Variants in SLC25A13 observed in about 807,000 individuals in gnomAD.
SLC25A13 encodes the protein solute carrier family 25 member 13, also known as electrogenic aspartate/glutamate antiporter SLC25A13, mitochondrial.
SLC25A13 carries 70 observed loss-of-function variants against 85.5 expected under a neutral mutation model. The observed-to-expected ratio is 0.82, with a 90% CI of 0.68 to 1.00. The LOEUF (loss-of-function observed/expected upper bound fraction) is 1.00, where lower values mean the gene tolerates loss of function less well. Ranked by LOEUF, SLC25A13 falls within the 50% of genes least tolerant of loss-of-function variation. The pLI is 0.00. For missense variants in SLC25A13, 765 were observed against 819.8 expected (o/e 0.93, Z 0.82); for synonymous variants, 259 against 288.7 (o/e 0.90, Z 1.04).
chr7:96,314,123 GAGGA>G (rs977383714), intron 1 of SLC25A13, among the ~76,000 whole-genome samples: 1 of 152,006 alleles, frequency 6.6e-6, no homozygotes, highest in African/African-American at 2.4e-5. Context: ...GAGGAAGAAG[GAGGA>G]AGGAAGGAGG....
chr7:96,249,419 C>A (rs188496832), intron 3 of SLC25A13, among the ~76,000 whole-genome samples: 1 of 152,280 alleles, frequency 6.6e-6, no homozygotes, highest in East Asian at 1.9e-4. Flanking sequence ...TTAACACAGG[C>A]CACCTGTGAA....
chr7:96,280,297 G>T (rs1798622086), intron 2 of SLC25A13, among the ~76,000 whole-genome samples: 1 of 152,086 alleles, frequency 6.6e-6, no homozygotes, highest in Admixed American at 6.5e-5. Flanking sequence ...GTTTAAAAAA[G>T]ACATTGAATT....
At chr7:96,232,267 C>G (rs934337182) in intron 4 of SLC25A13, among the ~76,000 whole-genome samples, 1 of 151,536 alleles carries the variant, frequency 6.6e-6, no homozygotes, top group South Asian at 2.1e-4. Flanking sequence ...AAAAAAACAA[C>G]GAGATCATGT....
At chr7:96,241,090 G>GAA (rs1796976313) in intron 3 of SLC25A13, among the ~76,000 whole-genome samples, 2 of 143,268 alleles carry the variant, frequency 1.4e-5, no homozygotes, top group African/African-American at 5.3e-5. Flanking sequence ...AAGAAAGAAA[G>GAA]AAAGAAAGAA....
intron 14 of SLC25A13, among the ~76,000 whole-genome samples, chr7:96,138,445 G>C (rs972171328): frequency 2.7e-5 from 4 of 146,968 alleles, no homozygotes; most frequent in Admixed American, 1.4e-4. Flanking sequence ...ACTTAGGTTA[G>C]AGTGCAGTGG....
chr7:96,263,241 CAGG>C (rs1035851104), intron 3 of SLC25A13, among the ~76,000 whole-genome samples: 1 of 152,098 alleles, frequency 6.6e-6, no homozygotes, highest in African/African-American at 2.4e-5. Context: ...CCCGGACACC[CAGG>C]TTACCCTTTA....
At chr7:96,298,732 C>T (rs530945229) in intron 1 of SLC25A13, among the ~76,000 whole-genome samples, 3 of 152,140 alleles carry the variant, frequency 2.0e-5, no homozygotes, top group Non-Finnish European at 4.4e-5. Flanking sequence ...TGTGCCCAGC[C>T]ATGAATTTTT....
chr7:96,139,431 CAG>C (rs1792430818), intron 14 of SLC25A13, among the ~76,000 whole-genome samples: 1 of 151,776 alleles, frequency 6.6e-6, no homozygotes, highest in Non-Finnish European at 1.5e-5. Context: ...AAGCTTTAAG[CAG>C]AGATTATGGA....
intron 3 of SLC25A13, among the ~76,000 whole-genome samples, chr7:96,246,960 G>C (rs1251961311): frequency 6.6e-6 from 1 of 152,166 alleles, no homozygotes. Flanking sequence ...TTCTTAAATA[G>C]TAGAGTCTAC....
chr7:96,288,141 T>A (rs1323119273), intron 2 of SLC25A13, among the ~76,000 whole-genome samples: 3 of 152,172 alleles, frequency 2.0e-5, no homozygotes, highest in African/African-American at 7.2e-5. Context: ...AACTGTATAC[T>A]GTATTGTGGC....
intron 4 of SLC25A13, among the ~76,000 whole-genome samples, chr7:96,233,588 G>A (rs1200712128): frequency 1.3e-5 from 2 of 152,052 alleles, no homozygotes; most frequent in Non-Finnish European, 2.9e-5. Flanking sequence ...TGGCGAAGGG[G>A]GTTGGCACAA....
rs560539523 is a variant in SLC25A13, at chr7:96,204,946, T to A, written c.468+3892A>T. Among the ~76,000 whole-genome samples the A allele has an allele frequency of 4.4e-4, 67 of 152,338 alleles. 1 individual carries two copies. The highest frequency in any genetic ancestry group is 3.5e-3 in the South Asian group (17 of 4,828). On this transcript the variant is annotated intron_variant, in intron 5 of 17. Transcript: ENST00000265631. Reference sequence around the variant, plus strand: ...TTTTTTGAGACAGGGTCTTGCTCTGTTGCTCAGGCTGGAATGCAGTGGCCT... The same window carrying A: ...TTTTTTGAGACAGGGTCTTGCTCTGATGCTCAGGCTGGAATGCAGTGGCCT...
At chr7:96,293,452 C>T (rs1473940116) in intron 2 of SLC25A13, among the ~76,000 whole-genome samples, 5 of 151,994 alleles carry the variant, frequency 3.3e-5, no homozygotes, top group East Asian at 1.9e-4. Context: ...ACTAAAGAGC[C>T]TCTGCACAGC....
In SLC25A13 at chr7:96,121,310, C is replaced by A. The variant is rs151330313; in HGVS notation, c.1909G>T (p.Val637Phe). The stretch of plus-strand genomic sequence containing the variant: ...GCAACTGCCAGTTTGTAGCCCCCAA[C>A]GTGATCAGGATTCGGGGCAGGCAGG... ...INLPAPNPDH[V>F]GGYKLAVATF... The change falls in exon 18 of 18, where the codon GTT becomes TTT. Residue 637 changes from valine to phenylalanine, a missense_variant. Coordinates refer to ENST00000265631, the MANE Select transcript of SLC25A13 (RefSeq NM_014251.3). 79 of 1,614,160 alleles carry A rather than the reference C, an allele frequency of 4.9e-5. No individual in the cohort carries two copies. Among genetic ancestry groups the A allele is most frequent in the South Asian group, 4.6e-4 (42 of 91,076 alleles).
At chr7:96,206,907 C>T (rs1369125190) in intron 5 of SLC25A13, among the ~76,000 whole-genome samples, 1 of 152,190 alleles carries the variant, frequency 6.6e-6, no homozygotes, top group Admixed American at 6.5e-5. Flanking sequence ...ATCATCCTTA[C>T]TACTGCTAAC....
rs550101651 is a variant in SLC25A13 at position 96,231,425 on chromosome 7, A to G, written c.328+3377T>C. Among the ~76,000 whole-genome samples, 112 of 152,180 alleles carry G rather than the reference A, an allele frequency of 7.4e-4. No individual in the cohort carries two copies. In the South Asian group the frequency reaches 0.023, roughly 31 times the overall value. ...AAATTTACCAGGAAAAAACAACCCC[A>G]TTAAAAAGTGGGGGAAAGGCCAGGC... On this transcript the variant is annotated intron_variant, in intron 4 of 17. Transcript: ENST00000265631.
At chr7:96,154,109 A>G (rs971144262) in intron 13 of SLC25A13, among the ~76,000 whole-genome samples, 2 of 152,116 alleles carry the variant, frequency 1.3e-5, no homozygotes, top group African/African-American at 4.8e-5. Context: ...CCTAAACAAA[A>G]CCCCAACAGG....
intron 4 of SLC25A13, among the ~76,000 whole-genome samples, chr7:96,213,440 A>G (rs1169407298): frequency 6.6e-6 from 1 of 152,202 alleles, no homozygotes; most frequent in Non-Finnish European, 1.5e-5. Flanking sequence ...ATGAAAATCC[A>G]AAGCGATTTT....
intron 2 of SLC25A13, among the ~76,000 whole-genome samples, chr7:96,292,900 G>T (rs1799183539): frequency 6.6e-6 from 1 of 152,096 alleles, no homozygotes; most frequent in Admixed American, 6.6e-5. Flanking sequence ...AGCTACCAAT[G>T]ACTTTCTTCA....
Sources: gnomAD v4.1 joint callset for allele counts (sites outside exome capture counted in the v4.1 genomes callset) on GRCh38, gnomAD v4.1.1 for gene constraint, MANE v1.5 for transcripts, NCBI Gene and HGNC (gene_info 2026-07-23, HGNC 2026-07-21) for gene names.